ACP7: variants seen among roughly 807,000 people sequenced by gnomAD.
The protein encoded by ACP7 is acid phosphatase type 7.
In ACP7, 58 loss-of-function variants were observed where a neutral mutation model predicts 60.6. That is an observed-to-expected ratio of 0.96 (90% CI 0.77 to 1.19). ACP7 has a LOEUF of 1.19. ACP7 is among the 50% of genes most tolerant of loss of function. ACP7 has a pLI of 0.00. For missense variants in ACP7, 574 were observed against 596.2 expected (o/e 0.96, Z 0.39); for synonymous variants, 237 against 232.6 (o/e 1.02, Z -0.17).
intron 12 of ACP7, among the ~76,000 whole-genome samples, chr19:39,109,675 A>G (rs572802927): frequency 7.2e-6 from 1 of 139,568 alleles, no homozygotes; most frequent in South Asian, 2.4e-4. Flanking sequence ...TGACAGAGCA[A>G]GACTCTGTCT....
At chr19:39,107,745 C>T (rs1378162691) in intron 12 of ACP7, among the ~76,000 whole-genome samples, 3 of 151,320 alleles carry the variant, frequency 2.0e-5, no homozygotes, top group African/African-American at 7.3e-5. Context: ...AATGAGCTGG[C>T]CATGGTGGCG....
At chr19:39,092,592 T>C (rs2073215746) in intron 2 of ACP7, among the ~76,000 whole-genome samples, 1 of 152,072 alleles carries the variant, frequency 6.6e-6, no homozygotes, top group African/African-American at 2.4e-5. Flanking sequence ...GGTCCACTTA[T>C]TAGTGTTTCT....
chr19:39,095,899 C>T (rs1322735943), intron 2 of ACP7, among the ~76,000 whole-genome samples: 1 of 152,242 alleles, frequency 6.6e-6, no homozygotes, highest in African/African-American at 2.4e-5. Flanking sequence ...TCTGAAGCCA[C>T]GGCCCAAGCT....
intron 2 of ACP7, among the ~76,000 whole-genome samples, chr19:39,091,531 A>T (rs1425695215): frequency 1.3e-5 from 2 of 152,214 alleles, no homozygotes; most frequent in Non-Finnish European, 2.9e-5. Flanking sequence ...TGCCACTGGG[A>T]TGTCATTGCT....
intron 11 of ACP7, among the ~76,000 whole-genome samples, chr19:39,103,710 C>T (rs1362825234): frequency 4.0e-5 from 6 of 151,766 alleles, no homozygotes; most frequent in Non-Finnish European, 1.5e-5. Flanking sequence ...CACCTGTAGT[C>T]CCAGCTACTT....
chr19:39,100,430 T>A (rs1015707295), intron 5 of ACP7, 80 bp downstream of exon 5: 20 of 1,602,028 alleles, frequency 1.2e-5, no homozygotes, highest in Non-Finnish European at 1.6e-5. Context: ...CTCCCTTGAG[T>A]CTCTCATGCT....
chr19:39,109,902 A>G (rs1159541038), intron 12 of ACP7, 151 bp from the exon 13 acceptor site: 26 of 702,754 alleles, frequency 3.7e-5, no homozygotes, highest in Non-Finnish European at 6.3e-5. Context: ...CACTTTTCAG[A>G]TGAGGAAAAC....
intron 1 of ACP7, 116 bp from the exon 2 acceptor site, chr19:39,084,976 A>T: frequency 3.3e-6 from 1 of 299,014 alleles, no homozygotes. Context: ...CTTCATAGCA[A>T]TGTCGTGAGG....
intron 2 of ACP7, among the ~76,000 whole-genome samples, chr19:39,097,254 T>C (rs2073276930): frequency 6.6e-6 from 1 of 152,026 alleles, no homozygotes; most frequent in African/African-American, 2.4e-5. Flanking sequence ...CTCCCACTGG[T>C]CCCTCCCACA....
intron 11 of ACP7, among the ~76,000 whole-genome samples, chr19:39,102,931 G>A (rs1298551181): frequency 6.6e-6 from 1 of 151,204 alleles, no homozygotes; most frequent in Non-Finnish European, 1.5e-5. Context: ...TCCACATCCC[G>A]GGATCAAGCA....
At chr19:39,083,969 C>A (rs1041071614), upstream of ACP7, 2 of 152,404 alleles carry the variant, frequency 1.3e-5, no homozygotes, top group Non-Finnish European at 2.9e-5. Flanking sequence ...TTGGGGATCC[C>A]CCGGTCCTGC....
intron 11 of ACP7, among the ~76,000 whole-genome samples, chr19:39,104,654 C>T (rs914553017): frequency 2.6e-5 from 4 of 152,166 alleles, no homozygotes; most frequent in Admixed American, 1.3e-4. Flanking sequence ...GAAGCTGAGG[C>T]GGGCAGATCA....
At chr19:39,090,449 A>G (rs1176022915) in intron 2 of ACP7, among the ~76,000 whole-genome samples, 5 of 150,626 alleles carry the variant, frequency 3.3e-5, no homozygotes, top group South Asian at 4.2e-4. Context: ...GATTACAGGC[A>G]TGAGCCACTG....
chr19:39,085,467 C>A (rs752000935), intron 2 of ACP7, 77 bp downstream of exon 2: 8 of 1,507,202 alleles, frequency 5.3e-6, no homozygotes, highest in Non-Finnish European at 7.1e-6. Flanking sequence ...GCTCAGGAAT[C>A]CCACACTGTG....
rs759947307 is a variant in ACP7, at chr19:39,107,005, G to T, written c.1172G>T (p.Arg391Leu). 6.2e-7 allele frequency: 1 copy of T among 1,614,106 alleles called. No homozygotes were observed. The highest frequency in any genetic ancestry group is 8.5e-7 in the Non-Finnish European group (1 of 1,180,020). ...TTCCCGAGGCCCTGGAGTGCCGTGCGTGTGAAGGAGTACGGGTATACGCGG... is the reference window on the plus strand; with the variant it reads ...TTCCCGAGGCCCTGGAGTGCCGTGCTTGTGAAGGAGTACGGGTATACGCGG... ...AVFPRPWSAV[R>L]VKEYGYTRLH... The change falls in exon 12 of 13, where the codon CGT becomes CTT. Residue 391 changes from arginine (R) to leucine (L), a missense_variant. Arg to Leu is a moderately radical substitution (Grantham distance 102). Coordinates refer to ENST00000331256, the MANE Select transcript of ACP7 (RefSeq NM_001004318.3).
At chr19:39,109,465 G>T (rs964221462) in intron 12 of ACP7, among the ~76,000 whole-genome samples, 2 of 151,988 alleles carry the variant, frequency 1.3e-5, no homozygotes, top group Admixed American at 6.6e-5. Flanking sequence ...ATGCCTTTGG[G>T]AGGCTGAGGC....
chr19:39,110,241 A>G lies in ACP7; in HGVS notation c.*123A>G. 1.1e-6 allele frequency: 1 copy of G among 890,630 alleles called. No individual in the cohort carries two copies. Among genetic ancestry groups the G allele is most frequent in the Non-Finnish European group, 1.8e-6 (1 of 559,720 alleles). The allele number at this position is 890,630 out of a possible 1,614,324, so 55.2% of individuals were successfully genotyped here. The stretch of plus-strand genomic sequence containing the variant: ...GACTCCCCTGCCCTCCAGAGGCCCC[A>G]TGTAGGGTACATGCAGCCCTATGGA... On this transcript the variant is annotated 3_prime_UTR_variant, in exon 13 of 13. Coordinates refer to ENST00000331256, the MANE Select transcript of ACP7 (RefSeq NM_001004318.3).
At chr19:39,086,172 A>G (rs2073138948) in intron 2 of ACP7, among the ~76,000 whole-genome samples, 1 of 152,154 alleles carries the variant, frequency 6.6e-6, no homozygotes, top group Admixed American at 6.6e-5. Context: ...GGGAAAAAGA[A>G]AAAATCTTAG....
At chr19:39,089,901 T>A (rs1340985499) in intron 2 of ACP7, among the ~76,000 whole-genome samples, 1 of 152,214 alleles carries the variant, frequency 6.6e-6, no homozygotes, top group East Asian at 1.9e-4. Flanking sequence ...ACCCTGATTG[T>A]TTCATTAAGG....
Sources: gnomAD v4.1 joint callset for allele counts (sites outside exome capture counted in the v4.1 genomes callset) on GRCh38, gnomAD v4.1.1 for gene constraint, MANE v1.5 for transcripts, NCBI Gene and HGNC (gene_info 2026-07-23, HGNC 2026-07-21) for gene names.